The following KCNH6 variants were observed in gnomAD, a reference collection of about 807,000 sequenced individuals.
KCNH6 encodes the protein voltage-gated inwardly rectifying potassium channel KCNH6.
In KCNH6, 81 loss-of-function variants were observed where a neutral mutation model predicts 83.4. That is an observed-to-expected ratio of 0.97 (90% CI 0.81 to 1.17). KCNH6 has a LOEUF of 1.17. KCNH6 is among the 50% of genes most tolerant of loss of function. The probability of loss-of-function intolerance (pLI) is 0.00; values close to 1 mark genes in which losing one functional copy is unlikely to be tolerated. For synonymous variants in KCNH6, 503 were observed against 545.6 expected, an observed-to-expected ratio of 0.92 and a Z score of 1.09; for missense variants, 1,203 against 1,290.5, an observed-to-expected ratio of 0.93 and a Z score of 1.04.
intron 8 of KCNH6, among the ~76,000 whole-genome samples, chr17:63,541,286 C>CA (rs746950295): frequency 9.2e-6 from 1 of 108,826 alleles, no homozygotes; most frequent in Non-Finnish European, 1.8e-5. Flanking sequence ...GTGCCTCTTG[C>CA]TTTTTTTTTT....
intron 6 of KCNH6, 121 bp downstream of exon 6, chr17:63,536,189 T>A (rs2032490415): frequency 1.0e-5 from 9 of 892,920 alleles, no homozygotes; most frequent in African/African-American, 6.6e-5. Flanking sequence ...AGTACACTGA[T>A]CCTAAGTGTG....
At position 63,545,798 on chromosome 17, in the gene KCNH6, C is replaced by T. The variant is rs865932400; in HGVS notation, c.2773C>T (p.Pro925Ser). ...PLEVQGLICG[P>S]CFSSLPEHLG... ...GGAAGTACAAGGACTCATCTGTGGT[C>T]CCTGCTTCTCCTCCCTCCCTGAACA... The change falls in exon 13 of 13, where the codon CCC becomes TCC. Residue 925 changes from proline (P) to serine (S), a missense_variant. By Grantham distance (74) the Pro-to-Ser change is moderately conservative (BLOSUM62 -1). Transcript: ENST00000314672. 2 of 1,614,122 alleles carry T rather than the reference C, an allele frequency of 1.2e-6. No homozygotes were observed. Among genetic ancestry groups the T allele is most frequent in the Non-Finnish European group, 1.7e-6 (2 of 1,180,008 alleles).
At position 63,538,277 on chromosome 17, in the gene KCNH6, G is replaced by T; in HGVS notation, c.1701+13G>T. 1 of 1,608,236 alleles carries T rather than the reference G, an allele frequency of 6.2e-7. No individual in the cohort carries two copies. The highest frequency in any genetic ancestry group is 8.5e-7 in the Non-Finnish European group (1 of 1,178,416). On this transcript the variant is annotated intron_variant, in intron 7 of 12. Transcript: ENST00000314672. The surrounding 1 kb of genome is among the most constrained non-coding windows in gnomAD (Gnocchi z 4.0). ...TGACATGAACGCGGTGAGCCCCGCC[G>T]CTCCGGCTAATGCCCCGGGCGTGGG...
rs553245861 is a variant in KCNH6, at chr17:63,536,599, G to A, written c.1501+531G>A. 7.4e-4 allele frequency among the ~76,000 whole-genome samples: 112 copies of A among 151,408 alleles called. 1 individual carries two copies. The highest frequency in any genetic ancestry group is 2.5e-3 in the African/African-American group (104 of 41,178). On this transcript the variant is annotated intron_variant, in intron 6 of 12. Transcript: ENST00000314672. ...GTGGAGGTTGCAGTGAGCCAAGATC[G>A]TGCCACTGCACTTCAGCTTAGGTGA...
rs948978209 is a variant in KCNH6 at position 63,538,320 on chromosome 17, C to T, written c.1701+56C>T. 3.1e-6 allele frequency: 5 copies of T among 1,609,020 alleles called. No individual in the cohort carries two copies. The highest frequency in any genetic ancestry group is 1.3e-5 in the African/African-American group (1 of 74,842). Reference sequence around the variant, plus strand: ...GGCGTGGGGGGGAGCCAAGATCCTGCGGGGGCGGGGCGTCCCCAGAGCCCT... The same window carrying T: ...GGCGTGGGGGGGAGCCAAGATCCTGTGGGGGCGGGGCGTCCCCAGAGCCCT... On this transcript the variant is annotated intron_variant, in intron 7 of 12. Transcript: ENST00000314672. This position sits in a 1 kb window ranked among gnomAD's most constrained non-coding sequence, Gnocchi z 4.0.
At chr17:63,547,141 G>A (rs1005914636), downstream of KCNH6, among the ~76,000 whole-genome samples, 5 of 152,202 alleles carry the variant, frequency 3.3e-5, no homozygotes, top group African/African-American at 1.2e-4. Context: ...TGCAGGTACT[G>A]TTCTGTTTCC....
Position 63,533,886 on chromosome 17 carries a change from GTCCTGTCCC to G in KCNH6, c.678_686del (p.Leu227_Leu229del). The G allele has an allele frequency of 6.2e-7, 1 of 1,611,548 alleles. No individual in the cohort carries two copies. Among genetic ancestry groups the G allele is most frequent in the Admixed American group, 1.7e-5 (1 of 59,940 alleles). ...GACCTCCCTCGGCCCCCACCCCCAG[GTCCTGTCCC>G]TGGGCGCGGATGTGCTGCCGGAGTA... On this transcript the variant is annotated inframe_deletion and splice_region_variant, in exon 5 of 13. Transcript: ENST00000314672. The surrounding 1 kb of genome is among the most constrained non-coding windows in gnomAD (Gnocchi z 4.1).
At position 63,538,992 on chromosome 17, in the gene KCNH6, G is replaced by C. The variant is rs2032708501; in HGVS notation, c.1954+330G>C. Among the ~76,000 whole-genome samples the C allele has an allele frequency of 6.6e-6, 1 of 152,132 alleles. No homozygotes were observed. On this transcript the variant is annotated intron_variant, in intron 8 of 12. Coordinates refer to ENST00000314672, the MANE Select transcript of KCNH6 (RefSeq NM_001278919.2). The surrounding 1 kb of genome is among the most constrained non-coding windows in gnomAD (Gnocchi z 4.0). Reference sequence around the variant, plus strand: ...TTCTTGCACTCTTGGGGAGTTTAGGGAGAAAGGCCAAGGGTCTTTCTGGGT... The same window carrying C: ...TTCTTGCACTCTTGGGGAGTTTAGGCAGAAAGGCCAAGGGTCTTTCTGGGT...
At position 63,535,025 on chromosome 17, in the gene KCNH6, C is replaced by T. The variant is rs2032389733; in HGVS notation, c.1102-644C>T. ...CAAACTTGCCAGTCTCCCGCCCCTC[C>T]ACACAGCTGCCACAGCGACTTTCAG... On this transcript the variant is annotated intron_variant, in intron 5 of 12. Coordinates refer to ENST00000314672, the MANE Select transcript of KCNH6 (RefSeq NM_001278919.2). This position sits in a 1 kb window ranked among gnomAD's most constrained non-coding sequence, Gnocchi z 4.9. 6.6e-6 allele frequency among the ~76,000 whole-genome samples: 1 copy of T among 152,200 alleles called. No homozygotes were observed. Among genetic ancestry groups the T allele is most frequent in the South Asian group, 2.1e-4 (1 of 4,832 alleles).
rs748575856 is a variant in KCNH6, at chr17:63,545,834, G to C, written c.2809G>C (p.Val937Leu). 23 of 1,614,012 alleles carry C rather than the reference G, an allele frequency of 1.4e-5. No homozygotes were observed. Among genetic ancestry groups the C allele is most frequent in the Non-Finnish European group, 1.9e-5 (23 of 1,180,032 alleles). Residue 937 changes from valine to leucine, a missense_variant, in exon 13 of 13, where the codon GTT becomes CTT. Physicochemically the swap from Val to Leu is conservative, Grantham distance 32. Transcript: ENST00000314672. ...FSSLPEHLGSVPKQLDFQRHG... is the reference protein window; with the variant it reads ...FSSLPEHLGSLPKQLDFQRHG... Reference sequence around the variant, plus strand: ...CTCCCTCCCTGAACACCTTGGCTCTGTTCCCAAGCAGCTGGACTTCCAGAG... The same window carrying C: ...CTCCCTCCCTGAACACCTTGGCTCTCTTCCCAAGCAGCTGGACTTCCAGAG...
At chr17:63,528,533 T>G (rs774371724) in intron 2 of KCNH6, among the ~76,000 whole-genome samples, 1 of 152,112 alleles carries the variant, frequency 6.6e-6, no homozygotes, top group Non-Finnish European at 1.5e-5. Context: ...GGAGAGTCAT[T>G]CCAGTGAGCT....
rs749892643 is a variant in KCNH6, at chr17:63,545,904, C to T, written c.*2C>T. On this transcript the variant is annotated 3_prime_UTR_variant, in exon 13 of 13. Coordinates refer to ENST00000314672, the MANE Select transcript of KCNH6 (RefSeq NM_001278919.2). ...TTTGCAGGGAGTTGGGGCCACTGAA[C>T]TCCAAGATAAAGACACCATGAGGGG... 3 of 1,613,208 alleles carry T rather than the reference C, an allele frequency of 1.9e-6. No individual in the cohort carries two copies. The highest frequency in any genetic ancestry group is 4.5e-5 in the East Asian group (2 of 44,880).
At chr17:63,543,044 G>T (rs912297056) in intron 9 of KCNH6, among the ~76,000 whole-genome samples, 2 of 152,244 alleles carry the variant, frequency 1.3e-5, no homozygotes, top group African/African-American at 4.8e-5. Context: ...AGCCAGGACC[G>T]ACCTGGGAAT....
In KCNH6 at chr17:63,533,930, G is replaced by A. The variant is rs2032291115; in HGVS notation, c.720G>A (p.Gln240=). 1 of 1,614,010 alleles carries A rather than the reference G, an allele frequency of 6.2e-7. No homozygotes were observed. The highest frequency in any genetic ancestry group is 1.3e-5 in the African/African-American group (1 of 75,022). Residue 240 remains glutamine (Q), a synonymous_variant, in exon 5 of 13, where the codon CAG becomes CAA. Transcript: ENST00000314672. The surrounding 1 kb of genome is among the most constrained non-coding windows in gnomAD (Gnocchi z 4.1). ...GADVLPEYKL[Q]APRIHRWTIL... ...ATGTGCTGCCGGAGTACAAGCTGCA[G>A]GCGCCGCGCATCCACCGCTGGACCA... is the stretch of plus-strand genomic sequence containing the variant.
At chr17:63,537,688 C>T (rs1244058260) in intron 6 of KCNH6, among the ~76,000 whole-genome samples, 3 of 152,170 alleles carry the variant, frequency 2.0e-5, no homozygotes, top group African/African-American at 4.8e-5. Context: ...CTGCCCACCT[C>T]GGCCTCCCAA....
rs2032244934 is a variant in KCNH6, at chr17:63,533,303, GT to G, written c.676-581del. On this transcript the variant is annotated intron_variant, in intron 4 of 12. Coordinates refer to ENST00000314672, the MANE Select transcript of KCNH6 (RefSeq NM_001278919.2). This position sits in a 1 kb window ranked among gnomAD's most constrained non-coding sequence, Gnocchi z 4.1. The stretch of plus-strand genomic sequence containing the variant: ...CAGTTTTCCTTGGTGCCCAGGACCC[GT>G]TGAGGGTCCAGGTTGGCTACACCCC... 6.6e-6 allele frequency among the ~76,000 whole-genome samples: 1 copy of G among 152,084 alleles called. No homozygotes were observed. The highest frequency in any genetic ancestry group is 1.5e-5 in the Non-Finnish European group (1 of 67,978).
At position 63,545,139 on chromosome 17, in the gene KCNH6, C is replaced by T; in HGVS notation, c.2458C>T (p.Pro820Ser). Residue 820 changes from proline to serine, a missense_variant, in exon 12 of 13, where the codon CCC becomes TCC. Pro to Ser is a moderately conservative substitution (Grantham distance 74). Transcript: ENST00000314672. ...CTTGCAGCTCCTCCAGAAGCCCATGCCCCAGGGCCACGCCAGCTACATTCT... is the reference window on the plus strand; with the variant it reads ...CTTGCAGCTCCTCCAGAAGCCCATGTCCCAGGGCCACGCCAGCTACATTCT... The part of the protein sequence containing the change: ...RILQLLQKPM[P>S]QGHASYILEA... The T allele has an allele frequency of 1.2e-6, 2 of 1,613,844 alleles. No homozygotes were observed. Among genetic ancestry groups the T allele is most frequent in the Non-Finnish European group, 1.7e-6 (2 of 1,180,042 alleles).
chr17:63,542,376 AC>A lies in KCNH6; in HGVS notation c.2093del (p.Pro698ArgfsTer53). On this transcript the variant is annotated frameshift_variant, in exon 9 of 13. Coordinates refer to ENST00000314672, the MANE Select transcript of KCNH6 (RefSeq NM_001278919.2). LOFTEE classifies it high-confidence loss of function. ...RADLLEVLDM[Y>X]PAFAESFWSK... is the part of the protein sequence containing the mutation. Reference sequence around the variant, plus strand: ...GATCTGCTGGAGGTGCTGGACATGTACCCGGCCTTTGCGGAGAGCTTCTGGA... The same window carrying A: ...GATCTGCTGGAGGTGCTGGACATGTACCGGCCTTTGCGGAGAGCTTCTGGA... 6.2e-7 allele frequency: 1 copy of A among 1,614,116 alleles called. No individual in the cohort carries two copies. The highest frequency in any genetic ancestry group is 8.5e-7 in the Non-Finnish European group (1 of 1,180,022).
At chr17:63,547,277 AT>A (rs1346507748), downstream of KCNH6, among the ~76,000 whole-genome samples, 1 of 152,156 alleles carries the variant, frequency 6.6e-6, no homozygotes. Context: ...CATGCCTGTA[AT>A]CCCAGGGCTT....
Sources: gnomAD v4.1 joint callset for allele counts (sites outside exome capture counted in the v4.1 genomes callset) on GRCh38, gnomAD v4.1.1 for gene constraint, Gnocchi (gnomAD v3.1) non-coding constraint, MANE v1.5 for transcripts, NCBI Gene and HGNC (gene_info 2026-07-23, HGNC 2026-07-21) for gene names.